Variants in AOPEP observed in about 807,000 individuals in gnomAD.
The protein encoded by AOPEP is aminopeptidase O.
AOPEP carries 77 observed loss-of-function variants against 98.1 expected under a neutral mutation model. That is an observed-to-expected ratio of 0.78 (90% CI 0.65 to 0.95). AOPEP has a LOEUF of 0.95. Ranked by LOEUF, AOPEP falls within the 40% of genes least tolerant of loss-of-function variation. The pLI is 0.00. For synonymous variants in AOPEP, 346 were observed against 365.3 expected (o/e 0.95, Z 0.60); for missense variants, 1,024 against 1,024.7 (o/e 1.00, Z 0.01).
intron 16 of AOPEP, among the ~76,000 whole-genome samples, chr9:95,084,031 AATC>A (rs1426110786): frequency 6.6e-6 from 1 of 152,196 alleles, no homozygotes; most frequent in Non-Finnish European, 1.5e-5. Context: ...TTTCTCTAAC[AATC>A]ATCATTATTT....
At chr9:95,037,532 C>T (rs2064935496) in intron 13 of AOPEP, among the ~76,000 whole-genome samples, 1 of 152,090 alleles carries the variant, frequency 6.6e-6, no homozygotes, top group Non-Finnish European at 1.5e-5. Context: ...GCATTTTTTT[C>T]TCATAAGATA....
intron 4 of AOPEP, among the ~76,000 whole-genome samples, chr9:94,795,417 C>A (rs927116011): frequency 2.3e-4 from 35 of 152,270 alleles, no homozygotes; most frequent in African/African-American, 8.4e-4. Flanking sequence ...GGATATACCT[C>A]TTTGGACAAA....
At position 95,005,598 on chromosome 9, in the gene AOPEP, G is replaced by C; in HGVS notation, c.2097G>C (p.Lys699Asn). ...RRPRKRKRRE[K>N]EEVFEKLLPD... ...CCCGAAAACGGAAGCGCAGGGAGAAGGAAGAGGTGTTTGAAAAGGTAGGGG... is the reference window on the plus strand; with the variant it reads ...CCCGAAAACGGAAGCGCAGGGAGAACGAAGAGGTGTTTGAAAAGGTAGGGG... The change falls in exon 13 of 17, where the codon AAG (lysine) becomes AAC (asparagine). Residue 699 changes from lysine (K) to asparagine (N), a missense_variant. Coordinates refer to ENST00000375315, the MANE Select transcript of AOPEP (RefSeq NM_001193329.3). 6 of 1,614,060 alleles carry C rather than the reference G, an allele frequency of 3.7e-6. No homozygotes were observed. The highest frequency in any genetic ancestry group is 5.1e-6 in the Non-Finnish European group (6 of 1,179,948).
At chr9:95,032,693 A>G (rs2064424477) in intron 13 of AOPEP, among the ~76,000 whole-genome samples, 1 of 152,200 alleles carries the variant, frequency 6.6e-6, no homozygotes, top group South Asian at 2.1e-4. Flanking sequence ...GTAGCTAGTA[A>G]ATACTAGGTG....
chr9:95,085,155 G>A (rs190807466), intron 16 of AOPEP: 8 of 438,570 alleles, frequency 1.8e-5, no homozygotes, highest in Admixed American at 7.5e-5. Context: ...CAGTGTCGCC[G>A]GCGTCCTTCC....
At chr9:94,757,693 C>T (rs1837370182) in intron 1 of AOPEP, among the ~76,000 whole-genome samples, 1 of 152,106 alleles carries the variant, frequency 6.6e-6, no homozygotes, top group African/African-American at 2.4e-5. Context: ...AATAGTTTAG[C>T]CAGCCACTAA....
chr9:95,137,705 G>C, the AOPEP span, among the ~76,000 whole-genome samples: 1 of 152,250 alleles, frequency 6.6e-6, no homozygotes, highest in African/African-American at 2.4e-5. Context: ...AGAGGAATTG[G>C]CTGAAGGTAC....
At chr9:94,830,216 A>G (rs1382179111) in intron 5 of AOPEP, among the ~76,000 whole-genome samples, 2 of 152,130 alleles carry the variant, frequency 1.3e-5, no homozygotes, top group Admixed American at 6.5e-5. Flanking sequence ...GACAGACTCC[A>G]GTGTGTGTGG....
intron 5 of AOPEP, among the ~76,000 whole-genome samples, chr9:94,917,351 C>G (rs191966010): frequency 1.3e-5 from 2 of 152,296 alleles, no homozygotes; most frequent in East Asian, 3.9e-4. Context: ...TTCCTGCTAG[C>G]AATAGGCCAC....
At chr9:94,780,751 T>C (rs750411451) in intron 3 of AOPEP, among the ~76,000 whole-genome samples, 6 of 152,272 alleles carry the variant, frequency 3.9e-5, no homozygotes, top group Non-Finnish European at 8.8e-5. Context: ...TACTCTGTTG[T>C]GCAGAATGCC....
chr9:94,848,082 C>T (rs2043076319), intron 5 of AOPEP, among the ~76,000 whole-genome samples: 1 of 152,108 alleles, frequency 6.6e-6, no homozygotes, highest in African/African-American at 2.4e-5. Flanking sequence ...ACTGCAGTTA[C>T]TTATTAGATT....
At chr9:94,779,111 A>T (rs1030762201) in intron 3 of AOPEP, among the ~76,000 whole-genome samples, 17 of 152,206 alleles carry the variant, frequency 1.1e-4, no homozygotes, top group South Asian at 4.2e-4. Context: ...GGGTTGGCAG[A>T]TACACGCAGC....
chr9:95,129,560 C>G, the AOPEP span, among the ~76,000 whole-genome samples: 2 of 152,194 alleles, frequency 1.3e-5, no homozygotes, highest in African/African-American at 4.8e-5. Flanking sequence ...AGCCCCATGA[C>G]TGCGGCCATT....
chr9:94,810,681 C>T lies in AOPEP; in HGVS notation c.1364+9679C>T, dbSNP rs984873455. The stretch of plus-strand genomic sequence containing the variant: ...CAGTTTCGTTCAGCAATTTAAAATA[C>T]ATGTATATTTTCTTTTTGATGTAAG... On this transcript the variant is annotated intron_variant, in intron 5 of 16. Coordinates refer to ENST00000375315, the MANE Select transcript of AOPEP (RefSeq NM_001193329.3). Among the ~76,000 whole-genome samples, 3 of 152,084 alleles carry T rather than the reference C, an allele frequency of 2.0e-5. No individual in the cohort carries two copies. The South Asian group carries it at 6.2e-4, about 32-fold the overall frequency.
intron 7 of AOPEP, among the ~76,000 whole-genome samples, chr9:94,943,919 C>CAAAAAAAAAAA (rs775807087): frequency 1.1e-4 from 2 of 17,418 alleles, no homozygotes; most frequent in African/African-American, 1.9e-4. Flanking sequence ...GACTCCATCT[C>CAAAAAAAAAAA]AAAAAAAAAA....
rs1564560850 is a variant in AOPEP, at chr9:95,041,444, G to GTGTGTGT, written c.2116-19250_2116-19249insTGTGTGT. On this transcript the variant is annotated intron_variant, in intron 13 of 16. Coordinates refer to ENST00000375315, the MANE Select transcript of AOPEP (RefSeq NM_001193329.3). ...GTATACTGTGTACTCAGAGTCCTTG[G>GTGTGTGT]GGGTGTGTGTGTGTGTGTGTGTGTG... Among the ~76,000 whole-genome samples the GTGTGTGT allele has an allele frequency of 2.8e-5, 4 of 144,322 alleles. 1 individual carries two copies. The highest frequency in any genetic ancestry group is 1.0e-4 in the African/African-American group (4 of 38,408). The allele number at this position is 144,322 out of a possible 152,430, so 94.7% of individuals were successfully genotyped here.
chr9:95,117,400 G>C, the AOPEP span: 3 of 1,612,284 alleles, frequency 1.9e-6, no homozygotes, highest in Non-Finnish European at 2.5e-6. Flanking sequence ...GCTGCCACAG[G>C]ATGGAAAATC....
At chr9:95,126,432 A>G in the AOPEP span, 7 of 1,209,546 alleles carry the variant, frequency 5.8e-6, no homozygotes, top group South Asian at 5.1e-5. Flanking sequence ...TAATTTCCCC[A>G]TGATACAGCC....
At chr9:94,779,614 G>T (rs373246327) in intron 3 of AOPEP, among the ~76,000 whole-genome samples, 1 of 151,730 alleles carries the variant, frequency 6.6e-6, no homozygotes, top group African/African-American at 2.4e-5. Context: ...ATGAAATGCA[G>T]ATCAAACTAG....
Sources: allele counts gnomAD v4.1 joint callset (sites outside exome capture counted in the v4.1 genomes callset), GRCh38; gene constraint gnomAD v4.1.1; transcripts MANE v1.5; gene names NCBI Gene and HGNC (gene_info 2026-07-23, HGNC 2026-07-21).